CHD9: variants seen among roughly 807,000 people sequenced by gnomAD.
CHD9 encodes chromodomain helicase DNA binding protein 9, also known as ATP-dependent chromatin remodeler CHD9.
CHD9 carries 77 observed loss-of-function variants against 316.1 expected under a neutral mutation model. The observed-to-expected ratio is 0.24, with a 90% CI of 0.20 to 0.29. The LOEUF (loss-of-function observed/expected upper bound fraction) is 0.29. CHD9 is among the 10% of genes least tolerant of loss of function. CHD9 has a pLI of 1.00. For synonymous variants in CHD9, 1,129 were observed against 1,158.3 expected, an observed-to-expected ratio of 0.97 and a Z score of 0.51; for missense variants, 2,763 against 3,438.1, an observed-to-expected ratio of 0.80 and a Z score of 4.91.
rs530552464 is a variant in CHD9, at chr16:53,204,023, C to CAAAAA, written c.1453-5437_1453-5433dup. On this transcript the variant is annotated intron_variant, in intron 2 of 38. Coordinates refer to ENST00000447540, the MANE Select transcript of CHD9 (RefSeq NM_001308319.2). ...TGGGCGACAGAGCAAGACTCCATCT[C>CAAAAA]AAAAAAAAAAAAAAAAAAAAAAAAA... Among the ~76,000 whole-genome samples the CAAAAA allele has an allele frequency of 7.7e-4, 37 of 48,338 alleles. 1 individual carries two copies. Among genetic ancestry groups the CAAAAA allele is most frequent in the African/African-American group, 2.7e-3 (31 of 11,664 alleles). The allele number at this position is 48,338 out of a possible 152,430, so 31.7% of individuals were successfully genotyped here.
At chr16:53,176,940 T>A (rs920551535) in intron 2 of CHD9, among the ~76,000 whole-genome samples, 6 of 152,174 alleles carry the variant, frequency 3.9e-5, no homozygotes, top group African/African-American at 1.4e-4. Flanking sequence ...AGTGGTGACA[T>A]CTTTATTTAT....
intron 19 of CHD9, among the ~76,000 whole-genome samples, chr16:53,260,347 C>T (rs193162363): frequency 4.6e-5 from 7 of 152,210 alleles, no homozygotes; most frequent in Non-Finnish European, 7.4e-5. Flanking sequence ...GGCAAGCTGG[C>T]ATATGCTTGT....
intron 1 of CHD9, among the ~76,000 whole-genome samples, chr16:53,122,401 A>G (rs1021545444): frequency 6.6e-6 from 1 of 152,204 alleles, no homozygotes; most frequent in Non-Finnish European, 1.5e-5. Context: ...CAAACTTTAA[A>G]AATTATTTAC....
intron 1 of CHD9, among the ~76,000 whole-genome samples, chr16:53,060,865 G>A (rs1300497449): frequency 2.6e-5 from 4 of 151,554 alleles, no homozygotes; most frequent in African/African-American, 9.7e-5. Context: ...AGACTATAGT[G>A]AGCCATGATT....
At chr16:53,207,529 C>T (rs550815861) in intron 2 of CHD9, among the ~76,000 whole-genome samples, 2 of 152,184 alleles carry the variant, frequency 1.3e-5, no homozygotes, top group South Asian at 4.1e-4. Flanking sequence ...AGCTTCATTT[C>T]TGTATTTTCA....
At chr16:53,306,456 C>A in intron 32 of CHD9, 59 bp downstream of exon 32, 1 of 1,336,350 alleles carries the variant, frequency 7.5e-7, no homozygotes, top group Non-Finnish European at 1.0e-6. Flanking sequence ...TATATTGCTT[C>A]AATGGTAGAT....
chr16:53,184,090 G>T (rs544835131), intron 2 of CHD9, among the ~76,000 whole-genome samples: 1 of 151,734 alleles, frequency 6.6e-6, no homozygotes, highest in East Asian at 2.0e-4. Flanking sequence ...GACTAAAGGC[G>T]CCCGGCACCA....
chr16:53,258,388 G>T (rs996928800), intron 19 of CHD9, among the ~76,000 whole-genome samples: 1 of 152,088 alleles, frequency 6.6e-6, no homozygotes, highest in African/African-American at 2.4e-5. Context: ...TTTGAAAACT[G>T]ATAAGGTACC....
intron 22 of CHD9, among the ~76,000 whole-genome samples, chr16:53,269,190 T>G (rs2051980876): frequency 6.6e-6 from 1 of 152,204 alleles, no homozygotes; most frequent in Non-Finnish European, 1.5e-5. Context: ...TAGTACTTTT[T>G]GCTCCTTAGC....
chr16:53,175,740 A>T (rs1307909812), intron 2 of CHD9, among the ~76,000 whole-genome samples: 1 of 152,262 alleles, frequency 6.6e-6, no homozygotes, highest in African/African-American at 2.4e-5. Context: ...TTGAAGATTT[A>T]TACAAAGCTG....
chr16:53,297,011 G>A lies in CHD9; in HGVS notation c.5566G>A (p.Val1856Ile), dbSNP rs755196531. ...FYRVVSTFGV[V>I]FDPDRGQFDW... is the part of the protein sequence containing the mutation. The stretch of plus-strand genomic sequence containing the variant: ...TAGGGTTGTATCTACATTTGGAGTG[G>A]TTTTTGACCCTGACAGAGGCCAATT... The change falls in exon 30 of 39, where the codon GTT (valine) becomes ATT (isoleucine). Residue 1856 changes from valine (V) to isoleucine (I), a missense_variant. Transcript: ENST00000447540. 2 of 1,613,830 alleles carry A rather than the reference G, an allele frequency of 1.2e-6. No individual in the cohort carries two copies. The highest frequency in any genetic ancestry group is 2.2e-5 in the South Asian group (2 of 91,080).
At chr16:53,202,562 G>C (rs1359746436) in intron 2 of CHD9, among the ~76,000 whole-genome samples, 1 of 151,578 alleles carries the variant, frequency 6.6e-6, no homozygotes, top group Non-Finnish European at 1.5e-5. Flanking sequence ...TCCCCATTTT[G>C]CTGATTACAT....
intron 1 of CHD9, among the ~76,000 whole-genome samples, chr16:53,091,806 TC>T (rs1159680340): frequency 6.6e-6 from 1 of 152,092 alleles, no homozygotes; most frequent in Non-Finnish European, 1.5e-5. Flanking sequence ...CCATTTTCCC[TC>T]TCTCCTTCCT....
Position 53,222,736 on chromosome 16 carries a change from T to A in CHD9, c.1877T>A (p.Leu626Ter). The change falls in exon 4 of 39, where the codon TTA becomes TAA. Residue 626 changes from leucine to a stop codon, truncating the protein, a stop_gained. Transcript: ENST00000447540. LOFTEE classifies it high-confidence loss of function. ...GCAGAACAGATGCCACAGCATACAT[T>A]AAAAGATCAAGACTCTCAAGTGAGT... Reference protein sequence around the residue: ...SDAEQMPQHTLKDQDSQKRRS... With the variant: ...SDAEQMPQHT 6.5e-7 allele frequency: 1 copy of A among 1,542,702 alleles called. No homozygotes were observed. The highest frequency in any genetic ancestry group is 8.8e-7 in the Non-Finnish European group (1 of 1,130,168).
chr16:53,157,025 A>G lies in CHD9; in HGVS notation c.936A>G (p.Ser312=). 1 of 1,612,756 alleles carries G rather than the reference A, an allele frequency of 6.2e-7. No individual in the cohort carries two copies. Among genetic ancestry groups the G allele is most frequent in the South Asian group, 1.1e-5 (1 of 91,040 alleles). ...LSDFTGSNSF[S]PHRGIKQEST... ...ATTTTACTGGAAGTAATTCCTTTTC[A>G]CCTCATAGAGGAATCAAGCAAGAAT... The change falls in exon 2 of 39, where the codon TCA becomes TCG. Residue 312 remains serine, a synonymous_variant. Transcript: ENST00000447540.
intron 2 of CHD9, among the ~76,000 whole-genome samples, chr16:53,161,322 A>C (rs2041896747): frequency 6.6e-6 from 1 of 152,204 alleles, no homozygotes; most frequent in Non-Finnish European, 1.5e-5. Flanking sequence ...ATTCATGACA[A>C]ATTTTGACAG....
intron 3 of CHD9, among the ~76,000 whole-genome samples, chr16:53,212,419 A>T (rs186460623): frequency 0.034 from 4,845 of 143,512 alleles, 94 homozygotes; most frequent in Middle Eastern, 0.074. Flanking sequence ...AAAAAAAAAA[A>T]ATTTTTTTTA....
intron 2 of CHD9, among the ~76,000 whole-genome samples, chr16:53,204,833 G>A (rs2045770847): frequency 6.6e-6 from 1 of 151,594 alleles, no homozygotes; most frequent in African/African-American, 2.4e-5. Flanking sequence ...GTATTTTTTT[G>A]TTTATATGTT....
chr16:53,114,688 C>T (rs74981018), intron 1 of CHD9, among the ~76,000 whole-genome samples: 550 of 152,280 alleles, frequency 3.6e-3, no homozygotes, highest in Non-Finnish European at 4.7e-3. Context: ...CGCGGGTTCA[C>T]GCCATTCTCC....
Sources: allele counts gnomAD v4.1 joint callset (sites outside exome capture counted in the v4.1 genomes callset), GRCh38; gene constraint gnomAD v4.1.1; transcripts MANE v1.5; gene names NCBI Gene and HGNC (gene_info 2026-07-23, HGNC 2026-07-21).